The following SLC45A4 variants were observed in gnomAD, a reference collection of about 807,000 sequenced individuals.
The protein encoded by SLC45A4 is polyamine-transporter SLC45A4.
Under a neutral mutation model 63.7 loss-of-function variants are expected in SLC45A4, and 32 were observed. The observed-to-expected ratio is 0.50, with a 90% CI of 0.38 to 0.67. The LOEUF (loss-of-function observed/expected upper bound fraction) is 0.67, where lower values mean the gene tolerates loss of function less well. SLC45A4 is among the 30% of genes least tolerant of loss of function. SLC45A4 has a pLI of 0.00. For synonymous variants in SLC45A4, 535 were observed against 510.0 expected (o/e 1.05, Z -0.66); for missense variants, 1,027 against 1,157.7 (o/e 0.89, Z 1.64).
At chr8:141,216,050 GC>G (rs1463765607) in intron 6 of SLC45A4, 80 bp from the exon 7 acceptor site, 7 of 1,270,832 alleles carry the variant, frequency 5.5e-6, no homozygotes, top group Middle Eastern at 2.3e-4. Flanking sequence ...CCCTCCCCTC[GC>G]CCCCCACATC....
chr8:141,285,649 G>C (rs13267656), intron 1 of SLC45A4, among the ~76,000 whole-genome samples: 22,936 of 152,220 alleles, frequency 0.15, 2,268 homozygotes, highest in Admixed American at 0.23. Flanking sequence ...CGCACCCCAA[G>C]TTAGGGAAGC....
intron 2 of SLC45A4, among the ~76,000 whole-genome samples, chr8:141,230,969 G>A (rs1827317263): frequency 6.6e-6 from 1 of 152,178 alleles, no homozygotes; most frequent in South Asian, 2.1e-4. Flanking sequence ...TGTGCTGGCG[G>A]CGGCAACAGC....
chr8:141,281,921 C>T (rs942725824), intron 1 of SLC45A4, among the ~76,000 whole-genome samples: 12 of 152,100 alleles, frequency 7.9e-5, no homozygotes, highest in African/African-American at 1.9e-4. Context: ...CGGAGCTGCA[C>T]GGCACCTTTC....
chr8:141,212,345 T>C lies in SLC45A4; in HGVS notation c.2153A>G (p.Asn718Ser), dbSNP rs1419608978. ...LTATFLVIYP[N>S]VSEEAKEEQK... ...CTCCTCCTTGGCCTCCTCTGACACG[T>C]TGGGATAGATCACCAGGAATGTGGC... The change falls in exon 8 of 9, where the codon AAC (asparagine) becomes AGC (serine). Residue 718 changes from asparagine to serine, a missense_variant. Physicochemically the swap from Asn to Ser is conservative, Grantham distance 46. Transcript: ENST00000517878. 1.9e-6 allele frequency: 3 copies of C among 1,613,368 alleles called. No individual in the cohort carries two copies. Among genetic ancestry groups the C allele is most frequent in the Admixed American group, 1.7e-5 (1 of 59,998 alleles).
intron 7 of SLC45A4, among the ~76,000 whole-genome samples, chr8:141,214,212 A>ATCATAC (rs1393374138): frequency 6.6e-6 from 1 of 151,186 alleles, no homozygotes; most frequent in African/African-American, 2.4e-5. Context: ...AAAAAAAAGC[A>ATCATAC]TCATACTTCC....
At chr8:141,239,574 GCACACACACACACACA>G (rs56366558) in intron 2 of SLC45A4, among the ~76,000 whole-genome samples, 1 of 144,388 alleles carries the variant, frequency 6.9e-6, no homozygotes. Context: ...CAGGAGCAAA[GCACACACACACACACA>G]CACACACACG....
intron 1 of SLC45A4, among the ~76,000 whole-genome samples, chr8:141,266,189 G>A (rs763869921): frequency 3.9e-5 from 6 of 152,126 alleles, no homozygotes; most frequent in Admixed American, 2.6e-4. Flanking sequence ...CGGACAACAC[G>A]CGTCCGCACG....
chr8:141,301,945 G>A (rs771266894), intron 1 of SLC45A4, among the ~76,000 whole-genome samples: 81 of 152,000 alleles, frequency 5.3e-4, no homozygotes, highest in South Asian at 2.1e-3. Context: ...CTGGGTGACA[G>A]AGGGAAACAC....
At chr8:141,277,914 A>G (rs368566647) in intron 1 of SLC45A4, among the ~76,000 whole-genome samples, 1 of 152,116 alleles carries the variant, frequency 6.6e-6, no homozygotes, top group South Asian at 2.1e-4. Context: ...AGTGAAAAAA[A>G]CAATTTTTTA....
intron 2 of SLC45A4, among the ~76,000 whole-genome samples, chr8:141,239,380 G>A (rs935345755): frequency 2.6e-5 from 4 of 152,134 alleles, no homozygotes; most frequent in African/African-American, 7.2e-5. Flanking sequence ...GAAAGGCATC[G>A]AGTGTACCTG....
intron 1 of SLC45A4, among the ~76,000 whole-genome samples, chr8:141,289,207 G>T (rs1418919904): frequency 1.3e-5 from 2 of 152,116 alleles, no homozygotes; most frequent in African/African-American, 4.8e-5. Flanking sequence ...GGATGGCGGG[G>T]GAGTGCACAC....
At chr8:141,234,044 G>T (rs1827497057) in intron 2 of SLC45A4, among the ~76,000 whole-genome samples, 1 of 152,246 alleles carries the variant, frequency 6.6e-6, no homozygotes, top group African/African-American at 2.4e-5. Flanking sequence ...TATGAGAACT[G>T]AGTCATCCTG....
intron 1 of SLC45A4, among the ~76,000 whole-genome samples, chr8:141,302,673 G>A (rs1830785387): frequency 1.3e-5 from 2 of 152,176 alleles, no homozygotes; most frequent in Admixed American, 6.5e-5. Context: ...ATGTTTTCAG[G>A]CCTTTGCTTG....
rs562138981 is a variant in SLC45A4 at position 141,292,057 on chromosome 8, T to G, written c.-401+16039A>C. Among the ~76,000 whole-genome samples the G allele has an allele frequency of 3.9e-5, 6 of 152,318 alleles. 1 individual carries two copies. In the South Asian group the frequency reaches 1.2e-3, roughly 32 times the overall value. On this transcript the variant is annotated intron_variant, in intron 1 of 8. Coordinates refer to ENST00000517878, the MANE Select transcript of SLC45A4 (RefSeq NM_001286646.2). ...CTGCGTGCCTGGTGCTGGGAGGCCA[T>G]GCGCTAACTTAGGTATCACAGCACA...
intron 1 of SLC45A4, among the ~76,000 whole-genome samples, chr8:141,305,595 C>A (rs1830872114): frequency 6.6e-6 from 1 of 152,202 alleles, no homozygotes; most frequent in African/African-American, 2.4e-5. Context: ...AGGGCACTGG[C>A]AATTTGGGGT....
At chr8:141,261,289 A>G (rs929489194) in intron 1 of SLC45A4, among the ~76,000 whole-genome samples, 1 of 152,226 alleles carries the variant, frequency 6.6e-6, no homozygotes, top group Non-Finnish European at 1.5e-5. Context: ...AAAAACTGGA[A>G]GCATTCCCTT....
intron 1 of SLC45A4, among the ~76,000 whole-genome samples, chr8:141,304,573 A>G (rs61633376): frequency 0.14 from 18,306 of 128,814 alleles, 1,808 homozygotes; most frequent in East Asian, 0.46. Flanking sequence ...AAAAAAAAAA[A>G]GGGGGGGAGA....
At chr8:141,261,897 A>T (rs1829052940) in intron 1 of SLC45A4, among the ~76,000 whole-genome samples, 1 of 152,234 alleles carries the variant, frequency 6.6e-6, no homozygotes, top group Non-Finnish European at 1.5e-5. Context: ...TGGAACCAAT[A>T]AAGAGCCTGC....
intron 1 of SLC45A4, among the ~76,000 whole-genome samples, chr8:141,300,749 G>A (rs747274545): frequency 2.0e-5 from 3 of 152,208 alleles, no homozygotes; most frequent in African/African-American, 7.2e-5. Context: ...AATTTAACCC[G>A]AGGCACAATT....
Sources: gnomAD v4.1 joint callset for allele counts (sites outside exome capture counted in the v4.1 genomes callset) on GRCh38, gnomAD v4.1.1 for gene constraint, MANE v1.5 for transcripts, NCBI Gene and HGNC (gene_info 2026-07-23, HGNC 2026-07-21) for gene names.